ARHGAP19: variants seen among roughly 807,000 people sequenced by gnomAD.
ARHGAP19 encodes rho GTPase-activating protein 19.
Under a neutral mutation model 60.9 loss-of-function variants are expected in ARHGAP19, and 48 were observed. The ratio of observed to expected loss-of-function variants is 0.79; its 90% CI spans 0.62 to 1.00. The LOEUF (loss-of-function observed/expected upper bound fraction) is 1.00, where lower values mean the gene tolerates loss of function less well. Ranked by LOEUF, ARHGAP19 falls within the 50% of genes least tolerant of loss-of-function variation. The pLI, the probability that ARHGAP19 is intolerant of heterozygous loss-of-function variation, is 0.00. For missense variants in ARHGAP19, 562 were observed against 597.2 expected (o/e 0.94, Z 0.61); for synonymous variants, 209 against 215.5 (o/e 0.97, Z 0.27).
chr10:97,281,831 G>A (rs558144471), intron 1 of ARHGAP19, among the ~76,000 whole-genome samples: 10 of 152,188 alleles, frequency 6.6e-5, no homozygotes, highest in African/African-American at 2.4e-4. Flanking sequence ...TCTTAAAGAC[G>A]TGTAGGAGTT....
intron 1 of ARHGAP19, among the ~76,000 whole-genome samples, chr10:97,276,817 G>C (rs1402781561): frequency 2.9e-4 from 3 of 10,232 alleles, no homozygotes; most frequent in African/African-American, 3.5e-4. Flanking sequence ...CGCCCCGTCC[G>C]GGAGGGAGGT....
At position 97,226,139 on chromosome 10, in the gene ARHGAP19, T is replaced by G; in HGVS notation, c.1475-7A>C. 6.2e-7 allele frequency: 1 copy of G among 1,613,782 alleles called. No homozygotes were observed. Among genetic ancestry groups the G allele is most frequent in the East Asian group, 2.2e-5 (1 of 44,878 alleles). ...TGGATCCTTCAGAGAAATCCTAGGT[T>G]GAAGGAAAAACAAGAGCGTTAGACA... On this transcript the variant is annotated splice_region_variant and splice_polypyrimidine_tract_variant and intron_variant, in intron 11 of 11. Transcript: ENST00000358531.
intron 1 of ARHGAP19, among the ~76,000 whole-genome samples, chr10:97,282,178 C>T (rs1367777785): frequency 6.6e-6 from 1 of 152,276 alleles, no homozygotes; most frequent in East Asian, 1.9e-4. Context: ...CTATTCCCTT[C>T]ATGAATCCAA....
chr10:97,270,596 C>T (rs1176113140), intron 1 of ARHGAP19: 2 of 1,541,896 alleles, frequency 1.3e-6, no homozygotes, highest in East Asian at 2.5e-5. Flanking sequence ...AAAATAAATA[C>T]ATTTCTTACA....
intron 8 of ARHGAP19, among the ~76,000 whole-genome samples, chr10:97,235,999 CAG>C (rs1211504254): frequency 1.3e-5 from 2 of 152,128 alleles, no homozygotes; most frequent in African/African-American, 2.4e-5. Flanking sequence ...TTGCTGGAGA[CAG>C]AGTCTCACTC....
chr10:97,230,997 C>T (rs1850999013), intron 9 of ARHGAP19, among the ~76,000 whole-genome samples: 1 of 120,640 alleles, frequency 8.3e-6, no homozygotes. Context: ...GTGGAAGTTG[C>T]AGTGAGCTGA....
chr10:97,249,630 TAA>T (rs1334118683), intron 6 of ARHGAP19, among the ~76,000 whole-genome samples: 2 of 151,116 alleles, frequency 1.3e-5, no homozygotes, highest in African/African-American at 2.4e-5. Context: ...GTGTGTAGAT[TAA>T]AAGTGTCATA....
intron 1 of ARHGAP19, among the ~76,000 whole-genome samples, chr10:97,286,186 C>CT (rs200615032): frequency 0.044 from 6,696 of 152,302 alleles, 210 homozygotes; most frequent in Non-Finnish European, 0.061. Flanking sequence ...TCTCACTTAA[C>CT]TGTGCATGTA....
rs1478373486 is a variant in ARHGAP19, at chr10:97,256,405, C to G, written c.841-1G>C. Reference sequence around the variant, plus strand: ...TCTCCTGAAGGTCATTTGCAGTGACCTATTCAGAGGAAAAGAAACCAAACA... The same window carrying G: ...TCTCCTGAAGGTCATTTGCAGTGACGTATTCAGAGGAAAAGAAACCAAACA... On this transcript the variant is annotated splice_acceptor_variant, in intron 5 of 11. Transcript: ENST00000358531. LOFTEE classifies it high-confidence loss of function. 6.2e-7 allele frequency: 1 copy of G among 1,610,738 alleles called. No individual in the cohort carries two copies. The highest frequency in any genetic ancestry group is 8.5e-7 in the Non-Finnish European group (1 of 1,177,020).
intron 1 of ARHGAP19, among the ~76,000 whole-genome samples, chr10:97,282,208 A>C (rs1308461681): frequency 1.3e-5 from 2 of 152,192 alleles, no homozygotes; most frequent in East Asian, 3.8e-4. Flanking sequence ...CACAAGTCAA[A>C]CCAGGACAAA....
intron 11 of ARHGAP19, 73 bp from the exon 12 acceptor site, chr10:97,226,205 G>T (rs2134796636): frequency 2.7e-6 from 4 of 1,481,116 alleles, no homozygotes; most frequent in Non-Finnish European, 3.8e-6. Context: ...CCACTCAAAA[G>T]CTACAGGGTC....
chr10:97,242,775 A>G (rs909475706), intron 8 of ARHGAP19, among the ~76,000 whole-genome samples: 1 of 151,926 alleles, frequency 6.6e-6, no homozygotes, highest in African/African-American at 2.4e-5. Context: ...CATCCTCCCA[A>G]AGTGCTGGGA....
Position 97,289,115 on chromosome 10 carries a change from CT to C in ARHGAP19, c.56+3456del, listed in dbSNP as rs769116702. ...CACAGGCGTGAGCCACCGTGCCCGG[CT>C]TTTTTTTTTTTTTTTCGAAACGTAG... On this transcript the variant is annotated intron_variant, in intron 1 of 11. Transcript: ENST00000358531. 3.4e-3 allele frequency among the ~76,000 whole-genome samples: 391 copies of C among 114,370 alleles called. 1 individual carries two copies. The highest frequency in any genetic ancestry group is 5.0e-3 in the Non-Finnish European group (275 of 54,574). The allele number at this position is 114,370 out of a possible 152,430, so 75.0% of individuals were successfully genotyped here.
At position 97,233,628 on chromosome 10, in the gene ARHGAP19, A is replaced by T. The variant is rs1464036331; in HGVS notation, c.1284+1589T>A. On this transcript the variant is annotated intron_variant, in intron 9 of 11. Transcript: ENST00000358531. ...CATGCCTATAATCCCAGTACTTTGGAAGGCCAAGGCGGGTGGATCACTTGA... is the reference window on the plus strand; with the variant it reads ...CATGCCTATAATCCCAGTACTTTGGTAGGCCAAGGCGGGTGGATCACTTGA... Among the ~76,000 whole-genome samples the T allele has an allele frequency of 9.2e-5, 14 of 152,256 alleles. No homozygotes were observed. The South Asian group carries it at 2.9e-3, about 32-fold the overall frequency.
At chr10:97,272,813 G>A (rs1023213307) in intron 1 of ARHGAP19, among the ~76,000 whole-genome samples, 4 of 146,114 alleles carry the variant, frequency 2.7e-5, no homozygotes, top group Admixed American at 6.8e-5. Context: ...TTCTAGCTTT[G>A]TTGAACCTCT....
At position 97,222,360 on chromosome 10, in the gene ARHGAP19, T is replaced by C. The variant is rs1425686677; in HGVS notation, c.*3762A>G. On this transcript the variant is annotated 3_prime_UTR_variant, in exon 12 of 12. Transcript: ENST00000358531. ...CTCAGGGATAGGACAAAGGCAACCC[T>C]TGCTCTGCAGAAAGAACCCTGGGGT... 1 of 152,244 alleles carries C rather than the reference T, an allele frequency of 6.6e-6. No homozygotes were observed. The highest frequency in any genetic ancestry group is 1.9e-4 in the East Asian group (1 of 5,192). The allele number at this position is 152,244 out of a possible 1,614,324, so 9.4% of individuals were successfully genotyped here.
chr10:97,282,377 A>G (rs12359654), intron 1 of ARHGAP19, among the ~76,000 whole-genome samples: 6,275 of 152,334 alleles, frequency 0.041, 203 homozygotes, highest in Non-Finnish European at 0.061. Flanking sequence ...GTAAAGAGGT[A>G]GATATCTAAC....
At chr10:97,260,565 T>C (rs1430154385) in intron 4 of ARHGAP19, among the ~76,000 whole-genome samples, 1 of 151,604 alleles carries the variant, frequency 6.6e-6, no homozygotes, top group East Asian at 1.9e-4. Flanking sequence ...CAAAAAACTA[T>C]AAATCAAAAC....
intron 1 of ARHGAP19, among the ~76,000 whole-genome samples, chr10:97,280,695 A>G (rs942942447): frequency 3.9e-5 from 6 of 151,998 alleles, no homozygotes; most frequent in Admixed American, 2.6e-4. Context: ...GGATCCTCCC[A>G]TACTCCCACA....
Sources: allele counts gnomAD v4.1 joint callset (sites outside exome capture counted in the v4.1 genomes callset), GRCh38; gene constraint gnomAD v4.1.1; transcripts MANE v1.5; gene names NCBI Gene and HGNC (gene_info 2026-07-23, HGNC 2026-07-21).